TMEM144: variants seen among roughly 807,000 people sequenced by gnomAD.
TMEM144 encodes transmembrane protein 144.
Under a neutral mutation model 43.6 loss-of-function variants are expected in TMEM144, and 39 were observed. The observed-to-expected ratio is 0.90, with a 90% CI of 0.69 to 1.17. The LOEUF (loss-of-function observed/expected upper bound fraction) is 1.17, where lower values mean the gene tolerates loss of function less well. TMEM144 is among the 50% of genes most tolerant of loss of function. The pLI, the probability that TMEM144 is intolerant of heterozygous loss-of-function variation, is 0.00. For synonymous variants in TMEM144, 154 were observed against 133.6 expected, an observed-to-expected ratio of 1.15 and a Z score of -1.06; for missense variants, 417 against 411.9, an observed-to-expected ratio of 1.01 and a Z score of -0.11.
chr4:158,212,219 T>G (rs558035488), intron 2 of TMEM144: 1 of 152,502 alleles, frequency 6.6e-6, no homozygotes, highest in South Asian at 2.1e-4. Context: ...CTTTTCCAAA[T>G]GGTAACTTTA....
At chr4:158,229,668 G>T (rs966841036) in intron 6 of TMEM144, among the ~76,000 whole-genome samples, 5 of 152,170 alleles carry the variant, frequency 3.3e-5, no homozygotes, top group African/African-American at 1.2e-4. Context: ...GGGAGGCTAG[G>T]GTTCTGTCCC....
rs563463218 is a variant in TMEM144 at position 158,254,808 on chromosome 4, A to G, written c.*1281A>G. 1.3e-5 allele frequency: 2 copies of G among 152,300 alleles called. No individual in the cohort carries two copies. The highest frequency in any genetic ancestry group is 3.9e-4 in the East Asian group (2 of 5,180). The allele number at this position is 152,300 out of a possible 1,614,324, so 9.4% of individuals were successfully genotyped here. ...TATTTGTGTGTATACTCTGAAGTCA[A>G]TGTGCATGGGTTAAATCCCACCTCT... On this transcript the variant is annotated 3_prime_UTR_variant, in exon 13 of 13. Transcript: ENST00000296529.
intron 8 of TMEM144, 53 bp from the exon 9 acceptor site, chr4:158,237,472 G>T: frequency 1.4e-6 from 2 of 1,387,864 alleles, no homozygotes; most frequent in African/African-American, 1.4e-5. Context: ...TTGTGCGTTT[G>T]TCAGAAATAC....
At chr4:158,213,579 C>G (rs1241093514) in intron 3 of TMEM144, 1 of 152,162 alleles carries the variant, frequency 6.6e-6, no homozygotes, top group Non-Finnish European at 1.5e-5. Context: ...AAGGAATGCA[C>G]ATGTTACATT....
intron 7 of TMEM144, chr4:158,233,379 A>G (rs1278613551): frequency 6.5e-6 from 1 of 153,372 alleles, no homozygotes; most frequent in Non-Finnish European, 1.5e-5. Context: ...CAAGAAAGGT[A>G]AGTGAAGTCC....
intron 12 of TMEM144, among the ~76,000 whole-genome samples, chr4:158,247,933 A>G (rs1431165129): frequency 4.6e-5 from 7 of 151,792 alleles, no homozygotes; most frequent in African/African-American, 1.5e-4. Context: ...AAAAAAAAAA[A>G]AAAGCATGAC....
chr4:158,233,971 A>G (rs563430118), intron 7 of TMEM144: 1 of 152,322 alleles, frequency 6.6e-6, no homozygotes, highest in Non-Finnish European at 1.5e-5. Flanking sequence ...CTCCTGCCCA[A>G]CCATCCTCCA....
chr4:158,232,295 T>A (rs1735120689), intron 6 of TMEM144, among the ~76,000 whole-genome samples: 1 of 152,240 alleles, frequency 6.6e-6, no homozygotes, highest in Admixed American at 6.5e-5. Flanking sequence ...GATCTTCCCA[T>A]ATCAGAGCAT....
intron 9 of TMEM144, among the ~76,000 whole-genome samples, 168 bp from the exon 10 acceptor site, chr4:158,240,131 C>T (rs548306684): frequency 2.7e-4 from 41 of 152,192 alleles, no homozygotes; most frequent in African/African-American, 8.7e-4. Flanking sequence ...GTGATCCACC[C>T]GGCTCGGCCT....
chr4:158,236,063 T>A (rs983151899), intron 8 of TMEM144, among the ~76,000 whole-genome samples: 2 of 152,214 alleles, frequency 1.3e-5, no homozygotes, highest in African/African-American at 4.8e-5. Flanking sequence ...TTTGTGGTTG[T>A]TCTGTTTTTT....
intron 9 of TMEM144, among the ~76,000 whole-genome samples, chr4:158,239,837 T>G (rs1278591523): frequency 6.6e-6 from 1 of 152,064 alleles, no homozygotes; most frequent in Non-Finnish European, 1.5e-5. Context: ...TAATTAAAAT[T>G]CTATATGAAC....
chr4:158,228,816 C>T (rs1032312490), intron 6 of TMEM144, among the ~76,000 whole-genome samples: 9 of 152,110 alleles, frequency 5.9e-5, no homozygotes, highest in African/African-American at 1.9e-4. Context: ...GTGGTTTATT[C>T]GGCCAGGAGC....
intron 12 of TMEM144, among the ~76,000 whole-genome samples, chr4:158,252,191 G>T (rs1736240202): frequency 6.6e-6 from 1 of 152,216 alleles, no homozygotes; most frequent in African/African-American, 2.4e-5. Flanking sequence ...AACACAGGAA[G>T]ATATTTCGTT....
At chr4:158,236,010 G>A (rs4577628) in intron 8 of TMEM144, among the ~76,000 whole-genome samples, 150,233 of 152,310 alleles carry the variant, frequency 0.99, 74,128 homozygotes, top group East Asian at 1. Flanking sequence ...AAGAACTCAG[G>A]GAGTTGGGCT....
Position 158,244,324 on chromosome 4 carries a change from G to T in TMEM144, c.929G>T (p.Gly310Val), listed in dbSNP as rs138723611. Residue 310 changes from glycine to valine, a missense_variant, in exon 12 of 13, where the codon GGT becomes GTT. Gly to Val is a moderately radical substitution (Grantham distance 109). Coordinates refer to ENST00000296529, the MANE Select transcript of TMEM144 (RefSeq NM_018342.5). ...CCAGGATTTATAGCTGCAATGTGGGGTATCTTCATGTTTAAGGAAATAAAG... is the reference window on the plus strand; with the variant it reads ...CCAGGATTTATAGCTGCAATGTGGGTTATCTTCATGTTTAAGGAAATAAAG... ...AGPGFIAAMW[G>V]IFMFKEIKGL... 9 of 1,608,064 alleles carry T rather than the reference G, an allele frequency of 5.6e-6. No homozygotes were observed. Among genetic ancestry groups the T allele is most frequent in the Non-Finnish European group, 7.6e-6 (9 of 1,176,870 alleles).
chr4:158,242,232 C>T (rs555410412), intron 11 of TMEM144, among the ~76,000 whole-genome samples: 1 of 152,288 alleles, frequency 6.6e-6, no homozygotes, highest in Non-Finnish European at 1.5e-5. Flanking sequence ...GCATAACTTT[C>T]TTACCTTGTG....
intron 9 of TMEM144, among the ~76,000 whole-genome samples, chr4:158,239,495 C>A (rs1470282856): frequency 6.6e-6 from 1 of 152,218 alleles, no homozygotes; most frequent in Non-Finnish European, 1.5e-5. Flanking sequence ...ATAAAGCCCT[C>A]TCTGGATTAA....
intron 6 of TMEM144, among the ~76,000 whole-genome samples, chr4:158,227,580 C>T (rs986909683): frequency 6.6e-6 from 1 of 152,034 alleles, no homozygotes; most frequent in African/African-American, 2.4e-5. Flanking sequence ...CTTTGTCTCT[C>T]TCTGACTTTC....
chr4:158,223,624 C>T (rs1734611672), intron 6 of TMEM144, among the ~76,000 whole-genome samples: 1 of 152,150 alleles, frequency 6.6e-6, no homozygotes, highest in Non-Finnish European at 1.5e-5. Flanking sequence ...CACGTATTCT[C>T]ACTGTTTAAC....
Sources: gnomAD v4.1 joint callset for allele counts (sites outside exome capture counted in the v4.1 genomes callset) on GRCh38, gnomAD v4.1.1 for gene constraint, MANE v1.5 for transcripts, NCBI Gene and HGNC (gene_info 2026-07-23, HGNC 2026-07-21) for gene names.